Variants in SDHAF3 observed in about 807,000 individuals in gnomAD.
SDHAF3 encodes succinate dehydrogenase assembly factor 3, mitochondrial.
In SDHAF3, 18 loss-of-function variants were observed where a neutral mutation model predicts 11.5. The ratio of observed to expected loss-of-function variants is 1.56; its 90% CI spans 1.08 to 2.32. The LOEUF (loss-of-function observed/expected upper bound fraction) is 2.32. SDHAF3 is among the 30% of genes most tolerant of loss of function. The probability of loss-of-function intolerance (pLI) is 0.00; values close to 1 mark genes in which losing one functional copy is unlikely to be tolerated. For missense variants in SDHAF3, 200 were observed against 154.4 expected, an observed-to-expected ratio of 1.30 and a Z score of -1.57; for synonymous variants, 72 against 59.3, an observed-to-expected ratio of 1.21 and a Z score of -0.99.
At chr7:97,153,588 A>G (rs934845019) in intron 1 of SDHAF3, among the ~76,000 whole-genome samples, 1 of 152,244 alleles carries the variant, frequency 6.6e-6, no homozygotes, top group African/African-American at 2.4e-5. Context: ...GCTGGATCAT[A>G]TGGTAAGAGT....
intron 1 of SDHAF3, among the ~76,000 whole-genome samples, chr7:97,157,428 C>T (rs1789320402): frequency 6.6e-6 from 1 of 152,140 alleles, no homozygotes; most frequent in Non-Finnish European, 1.5e-5. Flanking sequence ...TACCATCTCA[C>T]ACCAGTTAGA....
At chr7:97,156,088 T>G (rs944142050) in intron 1 of SDHAF3, among the ~76,000 whole-genome samples, 6 of 152,200 alleles carry the variant, frequency 3.9e-5, no homozygotes, top group African/African-American at 1.2e-4. Context: ...TCACATTAAC[T>G]TAGGTCATTA....
intron 1 of SDHAF3, among the ~76,000 whole-genome samples, chr7:97,178,429 A>G (rs1789719044): frequency 6.6e-6 from 1 of 152,120 alleles, no homozygotes; most frequent in Non-Finnish European, 1.5e-5. Context: ...TCTGTGTTTA[A>G]CTTTCTGAGG....
intron 1 of SDHAF3, among the ~76,000 whole-genome samples, chr7:97,163,634 C>A (rs1376104428): frequency 6.6e-6 from 1 of 152,080 alleles, no homozygotes; most frequent in Non-Finnish European, 1.5e-5. Flanking sequence ...TTTAACTGGG[C>A]CATTTAGCCC....
chr7:97,152,967 A>G (rs886739576), intron 1 of SDHAF3, among the ~76,000 whole-genome samples: 6 of 152,218 alleles, frequency 3.9e-5, no homozygotes, highest in Non-Finnish European at 8.8e-5. Flanking sequence ...TCTGGCCCTG[A>G]GCCATTATTT....
chr7:97,160,218 C>T (rs1273030485), intron 1 of SDHAF3, among the ~76,000 whole-genome samples: 10 of 146,698 alleles, frequency 6.8e-5, no homozygotes, highest in Middle Eastern at 7.4e-3. Context: ...CCTGCCCGGC[C>T]GCCCATCGTC....
chr7:97,157,410 C>G (rs1407339195), intron 1 of SDHAF3, among the ~76,000 whole-genome samples: 3 of 152,152 alleles, frequency 2.0e-5, no homozygotes, highest in Non-Finnish European at 4.4e-5. Flanking sequence ...ATCAAAACCA[C>G]AGTGAGATAC....
At chr7:97,174,531 T>G (rs1355186379) in intron 1 of SDHAF3, among the ~76,000 whole-genome samples, 1 of 152,236 alleles carries the variant, frequency 6.6e-6, no homozygotes, top group Non-Finnish European at 1.5e-5. Flanking sequence ...GCCTCACATT[T>G]AGTCATCAGA....
chr7:97,141,130 C>T (rs1014363199), intron 1 of SDHAF3, among the ~76,000 whole-genome samples: 1 of 152,264 alleles, frequency 6.6e-6, no homozygotes, highest in Non-Finnish European at 1.5e-5. Flanking sequence ...CTTATTAGGA[C>T]GAGGAAATTC....
chr7:97,141,224 G>A (rs1462716216), intron 1 of SDHAF3, among the ~76,000 whole-genome samples: 11 of 152,078 alleles, frequency 7.2e-5, no homozygotes, highest in East Asian at 1.9e-4. Flanking sequence ...AATGCGTGCC[G>A]GAAACTTCAT....
At position 97,117,917 on chromosome 7, in the gene SDHAF3, C is replaced by G; in HGVS notation, c.174+20C>G. On this transcript the variant is annotated intron_variant, in intron 1 of 1. Transcript: ENST00000432641. ...TGGGAGGCAAGTGACGCTCCCTTCT[C>G]TTTGCCCAAGACCTTTGGGGTTCCT... 1.2e-6 allele frequency: 2 copies of G among 1,612,242 alleles called. No homozygotes were observed. The highest frequency in any genetic ancestry group is 8.5e-7 in the Non-Finnish European group (1 of 1,178,774).
At chr7:97,151,812 T>C (rs1423850234) in intron 1 of SDHAF3, among the ~76,000 whole-genome samples, 3 of 152,256 alleles carry the variant, frequency 2.0e-5, no homozygotes, top group African/African-American at 7.2e-5. Flanking sequence ...CTTTAGTCTC[T>C]TTTTCCTGTG....
chr7:97,174,967 A>T (rs1789658142), intron 1 of SDHAF3, among the ~76,000 whole-genome samples: 1 of 152,170 alleles, frequency 6.6e-6, no homozygotes, highest in African/African-American at 2.4e-5. Context: ...TGTTTCCTGT[A>T]AATTGATAAT....
intron 1 of SDHAF3, among the ~76,000 whole-genome samples, chr7:97,160,863 G>C (rs547482741): frequency 6.6e-6 from 1 of 151,912 alleles, no homozygotes; most frequent in South Asian, 2.1e-4. Context: ...TTTTTAAGTA[G>C]GAAAATTATT....
intron 1 of SDHAF3, among the ~76,000 whole-genome samples, chr7:97,164,580 G>A (rs764908918): frequency 1.3e-5 from 2 of 151,676 alleles, no homozygotes; most frequent in Non-Finnish European, 2.9e-5. Context: ...TCTCCATGTT[G>A]ATCAGGCTGG....
intron 1 of SDHAF3, among the ~76,000 whole-genome samples, chr7:97,139,108 G>A (rs772718392): frequency 4.6e-5 from 7 of 152,362 alleles, no homozygotes; most frequent in Admixed American, 2.0e-4. Context: ...GCCCGGTGCC[G>A]GCAGAAGGCC....
At chr7:97,171,909 T>C (rs530621147) in intron 1 of SDHAF3, among the ~76,000 whole-genome samples, 23 of 152,250 alleles carry the variant, frequency 1.5e-4, no homozygotes, top group African/African-American at 5.1e-4. Context: ...TCAAATTATA[T>C]TAATTACAAT....
chr7:97,155,143 T>C (rs1257876846), intron 1 of SDHAF3, among the ~76,000 whole-genome samples: 1 of 152,248 alleles, frequency 6.6e-6, no homozygotes, highest in Non-Finnish European at 1.5e-5. Flanking sequence ...TGTCTTTATG[T>C]ACAAAAAACA....
chr7:97,181,106 T>G lies in SDHAF3; in HGVS notation c.269T>G (p.Leu90Arg). The G allele has an allele frequency of 1.2e-6, 2 of 1,614,040 alleles. No homozygotes were observed. The highest frequency in any genetic ancestry group is 1.7e-6 in the Non-Finnish European group (2 of 1,179,950). Reference sequence around the variant, plus strand: ...GGCACCTTCCTCCCAGAAGAAAAACTTAATGACTTTCGTGATGAACAAATT... The same window carrying G: ...GGCACCTTCCTCCCAGAAGAAAAACGTAATGACTTTCGTGATGAACAAATT... ...CFGTFLPEEK[L>R]NDFRDEQIGQ... Residue 90 changes from leucine (L) to arginine (R), a missense_variant, in exon 2 of 2, where the codon CTT becomes CGT. Leu to Arg is a moderately radical substitution (Grantham distance 102). Coordinates refer to ENST00000432641, the MANE Select transcript of SDHAF3 (RefSeq NM_020186.3).
Sources: allele counts gnomAD v4.1 joint callset (sites outside exome capture counted in the v4.1 genomes callset), GRCh38; gene constraint gnomAD v4.1.1; transcripts MANE v1.5; gene names NCBI Gene and HGNC (gene_info 2026-07-23, HGNC 2026-07-21).